The following OPRM1 variants were observed in gnomAD, a reference collection of about 807,000 sequenced individuals.
OPRM1 encodes opioid receptor mu 1, also known as mu-type opioid receptor.
Under a neutral mutation model 31.8 loss-of-function variants are expected in OPRM1, and 27 were observed. The observed-to-expected ratio is 0.85, with a 90% CI of 0.63 to 1.17. The LOEUF is 1.17. OPRM1 is among the 50% of genes most tolerant of loss of function. The pLI, the probability that OPRM1 is intolerant of heterozygous loss-of-function variation, is 0.00. For synonymous variants in OPRM1, 196 were observed against 189.9 expected, an observed-to-expected ratio of 1.03 and a Z score of -0.26; for missense variants, 536 against 511.1, an observed-to-expected ratio of 1.05 and a Z score of -0.47.
intron 3 of OPRM1, chr6:154,108,162 T>A (rs1217501432): frequency 2.2e-5 from 5 of 222,622 alleles, no homozygotes; most frequent in South Asian, 2.1e-4. Flanking sequence ...ATAAAGGAAA[T>A]TTTTTTTTTT....
At chr6:154,109,453 G>A (rs1390299897) in intron 3 of OPRM1, among the ~76,000 whole-genome samples, 1 of 152,184 alleles carries the variant, frequency 6.6e-6, no homozygotes, top group African/African-American at 2.4e-5. Context: ...GAGTTATAGA[G>A]ATTTTCTTGT....
chr6:154,071,930 A>G (rs1162453042), intron 1 of OPRM1, among the ~76,000 whole-genome samples: 2 of 152,192 alleles, frequency 1.3e-5, no homozygotes, highest in African/African-American at 4.8e-5. Flanking sequence ...CATCATGGAG[A>G]GTCCTCATCT....
intron 3 of OPRM1, among the ~76,000 whole-genome samples, chr6:154,100,056 GATATATATCATGATATATATCATATT>G (rs908382589): frequency 7.7e-6 from 1 of 129,056 alleles, no homozygotes; most frequent in Non-Finnish European, 1.6e-5. Flanking sequence ...TATATCATAT[GATATATATCATGATATATATCATATT>G]ATATATTATC....
At chr6:154,224,270 C>T (rs1342634374) in intron 3 of OPRM1, among the ~76,000 whole-genome samples, 1 of 152,202 alleles carries the variant, frequency 6.6e-6, no homozygotes, top group Non-Finnish European at 1.5e-5. Flanking sequence ...CTGCTCTTTC[C>T]TTTATTGCCA....
At chr6:154,238,321 T>C (rs982264705) in intron 3 of OPRM1, among the ~76,000 whole-genome samples, 1 of 152,182 alleles carries the variant, frequency 6.6e-6, no homozygotes, top group Non-Finnish European at 1.5e-5. Context: ...AATGGCGCTG[T>C]CTCGGCTCAC....
At chr6:154,027,284 CTTGT>C (rs111711727) in intron 1 of OPRM1, among the ~76,000 whole-genome samples, 2 of 151,584 alleles carry the variant, frequency 1.3e-5, no homozygotes, top group Admixed American at 6.6e-5. Flanking sequence ...TCTTGTGTTT[CTTGT>C]TTGTTTGTTT....
chr6:154,020,428 T>C (rs1778294647), intron 1 of OPRM1, among the ~76,000 whole-genome samples: 1 of 152,164 alleles, frequency 6.6e-6, no homozygotes, highest in Non-Finnish European at 1.5e-5. Flanking sequence ...TCAAAATCCC[T>C]AATGTCTAAA....
chr6:154,181,876 T>A (rs57062327), intron 3 of OPRM1, among the ~76,000 whole-genome samples: 52,706 of 151,938 alleles, frequency 0.35, 9,510 homozygotes, highest in Middle Eastern at 0.47. Flanking sequence ...GTAATAATCA[T>A]AAATACATGT....
rs373120574 is a variant in OPRM1, at chr6:154,019,747, C to CTTTTTT, written c.-1+8742_-1+8747dup. ...TAGTGGCTTTCTTTTCTTTTCTTTT[C>CTTTTTT]TTTTTTTTTTTTTTTTTTGAGACAG... On this transcript the variant is annotated intron_variant, in intron 1 of 5. Transcript: ENST00000434900. Among the ~76,000 whole-genome samples, 565 of 121,916 alleles carry CTTTTTT rather than the reference C, an allele frequency of 4.6e-3. 11 individuals are homozygous for CTTTTTT. The highest frequency in any genetic ancestry group is 0.018 in the African/African-American group (517 of 29,314). The allele number at this position is 121,916 out of a possible 152,430, so 80.0% of individuals were successfully genotyped here.
chr6:154,210,182 C>T (rs1221216304), intron 3 of OPRM1, among the ~76,000 whole-genome samples: 1 of 152,178 alleles, frequency 6.6e-6, no homozygotes, highest in South Asian at 2.1e-4. Flanking sequence ...TATGGCTACT[C>T]GGTTGCTTTT....
rs1797890709 is a variant in OPRM1 at position 154,131,481 on chromosome 6, T to G, written c.*12760T>G. Among the ~76,000 whole-genome samples the G allele has an allele frequency of 6.6e-6, 1 of 152,224 alleles. No homozygotes were observed. Among genetic ancestry groups the G allele is most frequent in the African/African-American group, 2.4e-5 (1 of 41,474 alleles). On this transcript the variant is annotated 3_prime_UTR_variant, in exon 4 of 4. Transcript: ENST00000330432. Reference sequence around the variant, plus strand: ...CCTGAGTCTGAAAGAAGGGCAGAATTAATTCGTTTCCTTGACAGTGTTGGG... The same window carrying G: ...CCTGAGTCTGAAAGAAGGGCAGAATGAATTCGTTTCCTTGACAGTGTTGGG...
chr6:154,081,704 AG>A (rs898794453), intron 1 of OPRM1, among the ~76,000 whole-genome samples: 7 of 152,338 alleles, frequency 4.6e-5, no homozygotes, highest in African/African-American at 1.4e-4. Flanking sequence ...GTGGTCAGAG[AG>A]GTGGAAGAGT....
intron 3 of OPRM1, among the ~76,000 whole-genome samples, chr6:154,209,705 C>T (rs1294297944): frequency 6.6e-6 from 1 of 151,168 alleles, no homozygotes; most frequent in Non-Finnish European, 1.5e-5. Flanking sequence ...AATAAAAAGC[C>T]TAAATGTTAG....
chr6:154,042,744 G>A (rs985402914), intron 1 of OPRM1, among the ~76,000 whole-genome samples: 29 of 152,156 alleles, frequency 1.9e-4, no homozygotes, highest in African/African-American at 7.0e-4. Flanking sequence ...AAGTCCAGAT[G>A]TTAAGTGATA....
At chr6:154,010,690 G>A in exon 1 of OPRM1, 1 of 1,445,454 alleles carries the variant, frequency 6.9e-7, no homozygotes, top group Non-Finnish European at 9.1e-7. Context: ...AAAGCAGCCG[G>A]GTCAGACAGG....
intron 1 of OPRM1, among the ~76,000 whole-genome samples, chr6:154,085,295 C>T (rs1745626262): frequency 6.6e-6 from 1 of 152,172 alleles, no homozygotes; most frequent in South Asian, 2.1e-4. Context: ...GCAAATGGGC[C>T]TCACAATGCC....
chr6:154,078,374 A>G (rs779549883), intron 1 of OPRM1, among the ~76,000 whole-genome samples: 1 of 152,220 alleles, frequency 6.6e-6, no homozygotes, highest in African/African-American at 2.4e-5. Flanking sequence ...ATTCCTTTTT[A>G]TACTGCAGGT....
intron 1 of OPRM1, among the ~76,000 whole-genome samples, chr6:154,088,919 T>TACCTCTCTGTC (rs1791312087): frequency 6.6e-6 from 1 of 152,134 alleles, no homozygotes; most frequent in Non-Finnish European, 1.5e-5. Flanking sequence ...TTCTCTCTGT[T>TACCTCTCTGTC]ACCTCTCTGT....
chr6:154,059,515 A>C (rs1783989885), intron 1 of OPRM1, among the ~76,000 whole-genome samples: 1 of 152,048 alleles, frequency 6.6e-6, no homozygotes, highest in Non-Finnish European at 1.5e-5. Context: ...GGCTTCCTGG[A>C]TGTGTTATTC....
Sources: gnomAD v4.1 joint callset for allele counts (sites outside exome capture counted in the v4.1 genomes callset) on GRCh38, gnomAD v4.1.1 for gene constraint, MANE v1.5 for transcripts, NCBI Gene and HGNC (gene_info 2026-07-23, HGNC 2026-07-21) for gene names.